Variants in FBN3 observed in about 807,000 individuals in gnomAD.
FBN3 encodes the protein fibrillin 3.
A neutral mutation model predicts 330.1 loss-of-function variants in FBN3; 234 were observed. That is an observed-to-expected ratio of 0.71 (90% CI 0.64 to 0.79). The LOEUF is 0.79. Ranked by LOEUF, FBN3 falls within the 30% of genes least tolerant of loss-of-function variation. The pLI, the probability that FBN3 is intolerant of heterozygous loss-of-function variation, is 0.00. For missense variants in FBN3, 3,606 were observed against 3,886.9 expected, an observed-to-expected ratio of 0.93 and a Z score of 1.92; for synonymous variants, 1,458 against 1,517.3, an observed-to-expected ratio of 0.96 and a Z score of 0.91.
intron 8 of FBN3, 63 bp downstream of exon 8, chr19:8,141,654 C>G (rs2083417622): frequency 6.5e-7 from 1 of 1,548,894 alleles, no homozygotes; most frequent in Non-Finnish European, 8.7e-7. Flanking sequence ...TGCAGGGGAG[C>G]CTGAGCCCCC....
chr19:8,102,891 G>T lies in FBN3; in HGVS notation c.4940-18C>A. 6.2e-7 allele frequency: 1 copy of T among 1,613,600 alleles called. No homozygotes were observed. Among genetic ancestry groups the T allele is most frequent in the Non-Finnish European group, 8.5e-7 (1 of 1,179,516 alleles). Reference sequence around the variant, plus strand: ...CCTCATATCTGTAGTTGGCACAAAGGAGAAGAATGTGGGTAAGGGTCACCT... The same window carrying T: ...CCTCATATCTGTAGTTGGCACAAAGTAGAAGAATGTGGGTAAGGGTCACCT... On this transcript the variant is annotated intron_variant, in intron 39 of 63. Transcript: ENST00000600128.
chr19:8,105,250 GTCTTTTTTT>G (rs1001170827), intron 38 of FBN3, among the ~76,000 whole-genome samples: 2 of 150,692 alleles, frequency 1.3e-5, no homozygotes, highest in African/African-American at 4.9e-5. Context: ...ACTGTGCCCA[GTCTTTTTTT>G]TCTTTTTTTT....
chr19:8,135,422 T>C (rs1385815042), intron 13 of FBN3, among the ~76,000 whole-genome samples: 2 of 150,052 alleles, frequency 1.3e-5, no homozygotes, highest in Non-Finnish European at 3.0e-5. Flanking sequence ...GGATTACAGG[T>C]GTCTGCCACC....
intron 38 of FBN3, 71 bp downstream of exon 38, chr19:8,106,037 G>A: frequency 5.0e-6 from 8 of 1,584,978 alleles, no homozygotes; most frequent in Non-Finnish European, 6.9e-6. Flanking sequence ...ACCCTTGTGA[G>A]GCTTGGCAGG....
At chr19:8,118,209 A>G (rs1016704738) in intron 26 of FBN3, among the ~76,000 whole-genome samples, 1 of 152,098 alleles carries the variant, frequency 6.6e-6, no homozygotes, top group African/African-American at 2.4e-5. Flanking sequence ...ACCCACTCAC[A>G]CACAAACACA....
At chr19:8,145,107 C>CT in intron 5 of FBN3, 135 bp from the exon 6 acceptor site, 1 of 763,686 alleles carries the variant, frequency 1.3e-6, no homozygotes. Context: ...AGCTGAGTGG[C>CT]TAGCGCCTGT....
At chr19:8,094,379 C>G in intron 47 of FBN3, 67 bp downstream of exon 47, 11 of 1,539,720 alleles carry the variant, frequency 7.1e-6, no homozygotes, top group Non-Finnish European at 9.7e-6. Context: ...CTGGTATTCC[C>G]ATTTTATGGA....
Position 8,081,102 on chromosome 19 carries a change from A to C in FBN3, c.7354T>G (p.Ser2452Ala), listed in dbSNP as rs1057060532. 3 of 1,613,606 alleles carry C rather than the reference A, an allele frequency of 1.9e-6. No individual in the cohort carries two copies. Among genetic ancestry groups the C allele is most frequent in the Non-Finnish European group, 2.5e-6 (3 of 1,179,968 alleles). ...RTCKDLDECT[S>A]RQHNCQFLCV... ...AGGAACTGACAGTTGTGCTGCCGGGAGGTGCATTCGTCCAGGTCTGCAGCA... is the reference window on the plus strand; with the variant it reads ...AGGAACTGACAGTTGTGCTGCCGGGCGGTGCATTCGTCCAGGTCTGCAGCA... The change falls in exon 59 of 64, where the codon TCC (serine) becomes GCC (alanine). Residue 2452 changes from serine to alanine, a missense_variant. Transcript: ENST00000600128.
rs962648113 is a variant in FBN3 at position 8,103,677 on chromosome 19, T to G, written c.4824A>C (p.Glu1608Asp). 3 of 1,612,960 alleles carry G rather than the reference T, an allele frequency of 1.9e-6. No individual in the cohort carries two copies. The highest frequency in any genetic ancestry group is 2.5e-6 in the Non-Finnish European group (3 of 1,179,426). Residue 1608 changes from glutamate (E) to aspartate (D), a missense_variant, in exon 39 of 64, where the codon GAA (glutamate) becomes GAC (aspartate). Physicochemically the swap from Glu to Asp is conservative, Grantham distance 45 (BLOSUM62 2). Coordinates refer to ENST00000600128, the MANE Select transcript of FBN3 (RefSeq NM_032447.5). ...CACAGATGCCGGAGTGTGTGGAGCA[T>G]TCGTCAATATCTGCAGGGAAAGAAG... ...EHTRICEDID[E>D]CSTHSGICGP... is the part of the protein sequence containing the mutation.
chr19:8,088,593 G>C (rs1848565439), intron 51 of FBN3, among the ~76,000 whole-genome samples: 1 of 152,236 alleles, frequency 6.6e-6, no homozygotes, highest in Non-Finnish European at 1.5e-5. Flanking sequence ...GGGAATGAGT[G>C]AGTAAAGGGG....
At chr19:8,069,184 C>T (rs931970842) in intron 63 of FBN3, among the ~76,000 whole-genome samples, 3 of 152,160 alleles carry the variant, frequency 2.0e-5, no homozygotes, top group Middle Eastern at 3.2e-3. Context: ...ATAGCTTCCG[C>T]TGTGCTTCCT....
rs576993529 is a variant in FBN3, at chr19:8,121,464, T to G, written c.3083-78A>C. 5.9e-5 allele frequency: 83 copies of G among 1,402,004 alleles called. 1 individual carries two copies. The highest frequency in any genetic ancestry group is 1.4e-5 in the Non-Finnish European group (15 of 1,048,386). The allele number at this position is 1,402,004 out of a possible 1,614,324, so 86.8% of individuals were successfully genotyped here. ...GCACGAGGCAGGGGGGTCCCTGTCC[T>G]TTGATGGAGGTGTGGGCTAGAGGAA... On this transcript the variant is annotated intron_variant, in intron 24 of 63. Transcript: ENST00000600128. This position sits in a 1 kb window ranked among gnomAD's most constrained non-coding sequence, Gnocchi z 4.5.
Position 8,081,033 on chromosome 19 carries a change from C to T in FBN3, c.7423G>A (p.Gly2475Ser), listed in dbSNP as rs758643531. Residue 2475 changes from glycine (G) to serine (S), a missense_variant, in exon 59 of 64, where the codon GGC becomes AGC. Coordinates refer to ENST00000600128, the MANE Select transcript of FBN3 (RefSeq NM_032447.5). Reference protein sequence around the residue: ...VGAFTCRCPPGFTQHHQACFD... With the variant: ...VGAFTCRCPPSFTQHHQACFD... ...CAGGCCTGGTGGTGCTGGGTGAAGCCGGGCGGACAGCGGCAGGTGAAGGCG... is the reference window on the plus strand; with the variant it reads ...CAGGCCTGGTGGTGCTGGGTGAAGCTGGGCGGACAGCGGCAGGTGAAGGCG... 16 of 1,613,110 alleles carry T rather than the reference C, an allele frequency of 9.9e-6. No individual in the cohort carries two copies. Among genetic ancestry groups the T allele is most frequent in the Middle Eastern group, 1.6e-4 (1 of 6,084 alleles).
At chr19:8,130,635 A>G (rs375521211) in intron 16 of FBN3, among the ~76,000 whole-genome samples, 53 of 4,876 alleles carry the variant, frequency 0.011, 8 homozygotes, top group African/African-American at 0.024. Context: ...AAAGAAAGAA[A>G]GAAAGAAAGG....
intron 51 of FBN3, among the ~76,000 whole-genome samples, chr19:8,088,852 C>T (rs554625034): frequency 1.1e-4 from 16 of 151,176 alleles, no homozygotes; most frequent in African/African-American, 3.9e-4. Flanking sequence ...AGGGAGCAAA[C>T]GAGTGAATGA....
intron 46 of FBN3, among the ~76,000 whole-genome samples, 173 bp downstream of exon 46, chr19:8,095,202 C>T (rs926320938): frequency 6.6e-6 from 1 of 151,950 alleles, no homozygotes; most frequent in Non-Finnish European, 1.5e-5. Context: ...AACTCCTGGC[C>T]TCAAGCAATC....
At chr19:8,093,273 A>T (rs1214915297) in intron 47 of FBN3, among the ~76,000 whole-genome samples, 1 of 151,892 alleles carries the variant, frequency 6.6e-6, no homozygotes, top group Admixed American at 6.6e-5. Context: ...GGATCGCTTG[A>T]GGTCAGGAGT....
At position 8,085,422 on chromosome 19, in the gene FBN3, C is replaced by A. The variant is rs1160711409; in HGVS notation, c.7028G>T (p.Gly2343Val). The change falls in exon 56 of 64, where the codon GGC (glycine) becomes GTC (valine). Residue 2343 changes from glycine (G) to valine (V), a missense_variant. Physicochemically the swap from Gly to Val is moderately radical, Grantham distance 109. Transcript: ENST00000600128. ...GPRCELCPLP[G>V]TSAYRKLCPH... ...GCACAGCTTCCTGTAGGCAGAGGTG[C>A]CGGGCAGGGGACAGAGCTCGCAGCG... 3 of 1,577,280 alleles carry A rather than the reference C, an allele frequency of 1.9e-6. No individual in the cohort carries two copies. The highest frequency in any genetic ancestry group is 1.9e-4 in the Middle Eastern group (1 of 5,400).
Position 8,142,114 on chromosome 19 carries a change from C to CAA in FBN3, c.563_564dup (p.Gly189LeufsTer4). ...TGGCACCCCTCGGGGCCTACTTGGCCAAAGCAGGGTCCCGTCCGGTAATCT... is the reference window on the plus strand; with the variant it reads ...TGGCACCCCTCGGGGCCTACTTGGCCAAAAAGCAGGGTCCCGTCCGGTAATCT... On this transcript the variant is annotated frameshift_variant, in exon 7 of 64. Transcript: ENST00000600128. LOFTEE classifies it high-confidence loss of function. 6.2e-7 allele frequency: 1 copy of CAA among 1,611,978 alleles called. No individual in the cohort carries two copies. The highest frequency in any genetic ancestry group is 8.5e-7 in the Non-Finnish European group (1 of 1,179,070).
Sources: gnomAD v4.1 joint callset for allele counts (sites outside exome capture counted in the v4.1 genomes callset) on GRCh38, gnomAD v4.1.1 for gene constraint, Gnocchi (gnomAD v3.1) non-coding constraint, MANE v1.5 for transcripts, NCBI Gene and HGNC (gene_info 2026-07-23, HGNC 2026-07-21) for gene names.